The following EDN2 variants were observed in gnomAD, a reference collection of about 807,000 sequenced individuals.
The protein encoded by EDN2 is endothelin 2.
A neutral mutation model predicts 19.9 loss-of-function variants in EDN2; 10 were observed. The ratio of observed to expected loss-of-function variants is 0.50; its 90% CI spans 0.31 to 0.85. The LOEUF is 0.85. Among genes scored for constraint, EDN2 ranks in the 40% least tolerant of loss-of-function variants. The probability of loss-of-function intolerance (pLI) is 0.05; values close to 1 mark genes in which losing one functional copy is unlikely to be tolerated. For missense variants in EDN2, 222 were observed against 239.3 expected (o/e 0.93, Z 0.48); for synonymous variants, 84 against 94.9 (o/e 0.89, Z 0.67).
At chr1:41,479,605 C>G (rs1569579262) in intron 4 of EDN2, 103 bp from the exon 5 acceptor site, 8 of 1,034,402 alleles carry the variant, frequency 7.7e-6, no homozygotes, top group Middle Eastern at 2.1e-4. Flanking sequence ...TGCCCAGATC[C>G]TGGGGTCACA....
chr1:41,480,605 C>A (rs1644238965), intron 4 of EDN2: 2 of 412,598 alleles, frequency 4.8e-6, no homozygotes. Flanking sequence ...GCCCCTACAG[C>A]CACTCTGCTG....
Position 41,482,468 on chromosome 1 carries a change from G to C in EDN2, c.342C>G (p.Pro114=). Residue 114 remains proline (P), a splice_region_variant and synonymous_variant, in exon 3 of 5, where the codon CCC becomes CCG. Transcript: ENST00000372587. ...CTGCAGGCTGGGTGCCCACCTACCA[G>C]GGCCTTCGAAGGCAGAAGGTGGCAC... is the stretch of plus-strand genomic sequence containing the variant. ...PACATFCLRR[P]WTEAGAVPSR... The C allele has an allele frequency of 6.2e-7, 1 of 1,600,226 alleles. No individual in the cohort carries two copies.
chr1:41,479,781 G>A (rs775490954), intron 4 of EDN2, among the ~76,000 whole-genome samples: 6 of 152,192 alleles, frequency 3.9e-5, no homozygotes, highest in Non-Finnish European at 7.3e-5. Flanking sequence ...CAGCCCTGTG[G>A]GTCTCCCGTC....
In EDN2 at chr1:41,479,419, C is replaced by T. The variant is rs778877517; in HGVS notation, c.527G>A (p.Arg176Lys). The T allele has an allele frequency of 5.6e-6, 9 of 1,613,720 alleles. No individual in the cohort carries two copies. In the South Asian group the frequency reaches 7.7e-5, roughly 14 times the overall value. Residue 176 changes from arginine (R) to lysine (K), a missense_variant, in exon 5 of 5, where the codon AGG becomes AAG. Coordinates refer to ENST00000372587, the MANE Select transcript of EDN2 (RefSeq NM_001956.5). ...REPRSTHSRW[R>K]KR Reference sequence around the variant, plus strand: ...CTCCAGCTCACGACACTATCTCTTCCTCCACCTGGAATGTGTGGACCGAGG... The same window carrying T: ...CTCCAGCTCACGACACTATCTCTTCTTCCACCTGGAATGTGTGGACCGAGG...
rs1412203906 is a variant in EDN2 at position 41,478,946 on chromosome 1, G to A, written c.*463C>T. ...GGGAGGGTCCCGAGGGAATGAGGGT[G>A]CAAGAACTCTGGGGAGGGAAAGCTG... On this transcript the variant is annotated 3_prime_UTR_variant, in exon 5 of 5. Transcript: ENST00000372587. 1.6e-5 allele frequency: 5 copies of A among 306,652 alleles called. No homozygotes were observed. Among genetic ancestry groups the A allele is most frequent in the East Asian group, 7.9e-5 (1 of 12,610 alleles). 19.0% of individuals were successfully genotyped at this position (306,652 alleles called of 1,614,324 possible).
At chr1:41,484,271 G>A (rs1644273157) in intron 1 of EDN2, 68 bp from the exon 2 acceptor site, 1 of 1,561,376 alleles carries the variant, frequency 6.4e-7, no homozygotes, top group South Asian at 1.2e-5. Context: ...CCAGAGTGGG[G>A]GACCCACCAT....
At chr1:41,483,338 T>A (rs935263530) in intron 2 of EDN2, among the ~76,000 whole-genome samples, 1 of 152,246 alleles carries the variant, frequency 6.6e-6, no homozygotes, top group Non-Finnish European at 1.5e-5. Context: ...AGTGTTTGGA[T>A]GCGGATTAGC....
chr1:41,482,348 C>G (rs747404830), intron 3 of EDN2, 118 bp downstream of exon 3: 2 of 1,255,660 alleles, frequency 1.6e-6, no homozygotes, highest in South Asian at 3.7e-5. Context: ...GCCCCTGGGT[C>G]GCTTCTCACC....
intron 2 of EDN2, chr1:41,482,807 C>T (rs1644259696): frequency 2.1e-6 from 1 of 481,348 alleles, no homozygotes; most frequent in East Asian, 4.3e-5. Flanking sequence ...CAGGCTACTC[C>T]ACAAGGGTCC....
chr1:41,483,548 G>A (rs1317858609), intron 2 of EDN2, among the ~76,000 whole-genome samples: 3 of 151,876 alleles, frequency 2.0e-5, no homozygotes, highest in African/African-American at 4.9e-5. Flanking sequence ...TCGTTTGAGG[G>A]ACTATCCTGC....
In EDN2 at chr1:41,484,060, C is replaced by G; in HGVS notation, c.208G>C (p.Val70Leu). The change falls in exon 2 of 5, where the codon GTG becomes CTG. Residue 70 changes from valine to leucine, a missense_variant. Val to Leu is a conservative substitution (Grantham distance 32). Coordinates refer to ENST00000372587, the MANE Select transcript of EDN2 (RefSeq NM_001956.5). Reference protein sequence around the residue: ...VYFCHLDIIWVNTPEQTAPYG... With the variant: ...VYFCHLDIIWLNTPEQTAPYG... ...ATGGATGCTCACTCAGGAGTGTTCACCCAGATGATGTCCAAGTGGCAGAAG... is the reference window on the plus strand; with the variant it reads ...ATGGATGCTCACTCAGGAGTGTTCAGCCAGATGATGTCCAAGTGGCAGAAG... The G allele has an allele frequency of 5.6e-6, 9 of 1,608,640 alleles. No homozygotes were observed. The highest frequency in any genetic ancestry group is 7.6e-6 in the Non-Finnish European group (9 of 1,177,630).
Position 41,479,506 on chromosome 1 carries a change from G to C in EDN2, c.444-4C>G. 2 of 1,613,588 alleles carry C rather than the reference G, an allele frequency of 1.2e-6. No individual in the cohort carries two copies. Among genetic ancestry groups the C allele is most frequent in the Non-Finnish European group, 1.7e-6 (2 of 1,179,456 alleles). On this transcript the variant is annotated splice_polypyrimidine_tract_variant and splice_region_variant and intron_variant, in intron 4 of 4. Transcript: ENST00000372587. ...GCTCTTGACTGTGGAAATGTCCCTG[G>C]GAATCAAGAAGGGTCAACTTAGCAT...
At position 41,484,538 on chromosome 1, in the gene EDN2, C is replaced by T. The variant is rs922376128; in HGVS notation, c.64G>A (p.Gly22Arg). ...ALALLVALHEGKGQAAATLEQ... is the reference protein window; with the variant it reads ...ALALLVALHERKGQAAATLEQ... Reference sequence around the variant, plus strand: ...AGCAGGTGAGGCCAGGGCAGCTCACCTTCATGCAGGGCCACGAGCAGGGCT... The same window carrying T: ...AGCAGGTGAGGCCAGGGCAGCTCACTTTCATGCAGGGCCACGAGCAGGGCT... The change falls in exon 1 of 5, where the codon GGG becomes AGG. Residue 22 changes from glycine (G) to arginine (R), a missense_variant and splice_region_variant. Gly to Arg is a moderately radical substitution (Grantham distance 125). Transcript: ENST00000372587. 5 of 1,554,216 alleles carry T rather than the reference C, an allele frequency of 3.2e-6. No homozygotes were observed. The African/African-American group carries it at 4.1e-5, about 13-fold the overall frequency.
At chr1:41,484,510 G>T in intron 1 of EDN2, 28 bp downstream of exon 1, 1 of 1,551,294 alleles carries the variant, frequency 6.4e-7, no homozygotes, top group Admixed American at 2.0e-5. Context: ...AGGAGCTGTA[G>T]GCAGCAGGTG....
At chr1:41,483,363 C>T (rs778176055) in intron 2 of EDN2, among the ~76,000 whole-genome samples, 3 of 152,246 alleles carry the variant, frequency 2.0e-5, no homozygotes, top group South Asian at 2.1e-4. Context: ...CACACGCTTA[C>T]GTGCAGGGCT....
At position 41,479,374 on chromosome 1, in the gene EDN2, G is replaced by A. The variant is rs267598598; in HGVS notation, c.*35C>T. The A allele has an allele frequency of 2.7e-5, 42 of 1,558,872 alleles. No individual in the cohort carries two copies. The highest frequency in any genetic ancestry group is 7.8e-5 in the South Asian group (7 of 89,830). On this transcript the variant is annotated 3_prime_UTR_variant, in exon 5 of 5. Transcript: ENST00000372587. The stretch of plus-strand genomic sequence containing the variant: ...CACTTCTCTCCTCCTCTCTCCCCGC[G>A]GGCTTCCTTCCCAATGTTCCTCCAG...
chr1:41,480,231 C>T (rs734359), intron 4 of EDN2, among the ~76,000 whole-genome samples: 10,820 of 152,206 alleles, frequency 0.071, 1,303 homozygotes, highest in African/African-American at 0.24. Context: ...TGTTGGGTCC[C>T]GTCCATCCCA....
At chr1:41,479,906 C>G (rs1488777373) in intron 4 of EDN2, among the ~76,000 whole-genome samples, 2 of 152,178 alleles carry the variant, frequency 1.3e-5, no homozygotes, top group Admixed American at 1.3e-4. Flanking sequence ...ACTCATTCTT[C>G]GAGGTCCAGT....
chr1:41,483,723 G>A (rs969087521), intron 2 of EDN2: 8 of 230,386 alleles, frequency 3.5e-5, no homozygotes, highest in East Asian at 1.0e-4. Flanking sequence ...TTCCCCAACC[G>A]AGGATGGTGC....
Sources: allele counts gnomAD v4.1 joint callset (sites outside exome capture counted in the v4.1 genomes callset), GRCh38; gene constraint gnomAD v4.1.1; transcripts MANE v1.5; gene names NCBI Gene and HGNC (gene_info 2026-07-23, HGNC 2026-07-21).